The following SAMD5 variants were observed in gnomAD, a reference collection of about 807,000 sequenced individuals.
SAMD5 encodes sterile alpha motif domain containing 5.
SAMD5 carries 13 observed loss-of-function variants against 11.3 expected under a neutral mutation model. The ratio of observed to expected loss-of-function variants is 1.15; its 90% CI spans 0.75 to 1.83. The LOEUF (loss-of-function observed/expected upper bound fraction) is 1.83, where lower values mean the gene tolerates loss of function less well. Among genes scored for constraint, SAMD5 ranks in the 40% most tolerant of loss-of-function variants. The probability of loss-of-function intolerance (pLI) is 0.00; values close to 1 mark genes in which losing one functional copy is unlikely to be tolerated. For missense variants in SAMD5, 255 were observed against 239.1 expected (o/e 1.07, Z -0.44); for synonymous variants, 129 against 111.3 (o/e 1.16, Z -1.00).
chr6:147,683,657 A>G (rs765994318), intron 1 of SAMD5, among the ~76,000 whole-genome samples: 3 of 152,204 alleles, frequency 2.0e-5, no homozygotes, highest in Non-Finnish European at 4.4e-5. Flanking sequence ...GAGTGAGTGC[A>G]TGGCAGAGAA....
At chr6:147,790,756 TTCTCTCTCTCTCTTTCTC>T in the SAMD5 span, among the ~76,000 whole-genome samples, 1 of 28,970 alleles carries the variant, frequency 3.5e-5, no homozygotes, top group Non-Finnish European at 6.9e-5. Flanking sequence ...CTCTCTCTCT[TTCTCTCTCTCTCTTTCTC>T]TCTCTCTCTC....
At chr6:147,742,826 T>C in the SAMD5 span, among the ~76,000 whole-genome samples, 2 of 152,250 alleles carry the variant, frequency 1.3e-5, no homozygotes, top group Non-Finnish European at 2.9e-5. Flanking sequence ...AATTAACTTC[T>C]TATTTATTAT....
the SAMD5 span, among the ~76,000 whole-genome samples, chr6:147,932,148 A>G: frequency 6.6e-6 from 1 of 152,186 alleles, no homozygotes; most frequent in Non-Finnish European, 1.5e-5. Flanking sequence ...TATTTGTGGA[A>G]CCAGATAAGA....
chr6:147,790,558 A>G, the SAMD5 span, among the ~76,000 whole-genome samples: 441 of 152,332 alleles, frequency 2.9e-3, 2 homozygotes, highest in African/African-American at 0.01. Flanking sequence ...TTAGGTGTCA[A>G]TTTGACTGGA....
the SAMD5 span, among the ~76,000 whole-genome samples, chr6:147,843,328 T>C: frequency 6.6e-6 from 1 of 152,120 alleles, no homozygotes; most frequent in Non-Finnish European, 1.5e-5. Context: ...AAAATATCGA[T>C]TAAAGAAACT....
intron 1 of SAMD5, among the ~76,000 whole-genome samples, chr6:147,578,807 A>C (rs961700995): frequency 6.6e-6 from 1 of 152,144 alleles, no homozygotes; most frequent in Admixed American, 6.5e-5. Flanking sequence ...AAAAAAACCC[A>C]ATCTATATTT....
intron 1 of SAMD5, among the ~76,000 whole-genome samples, chr6:147,665,887 G>GAA (rs1386937504): frequency 1.3e-5 from 2 of 152,104 alleles, no homozygotes; most frequent in African/African-American, 4.8e-5. Flanking sequence ...CAAATACTAT[G>GAA]AAAAAGTTAT....
the SAMD5 span, among the ~76,000 whole-genome samples, chr6:147,946,322 T>C: frequency 6.6e-6 from 1 of 152,198 alleles, no homozygotes; most frequent in Non-Finnish European, 1.5e-5. Flanking sequence ...GACATGAGTG[T>C]TGTTTTTGTA....
chr6:147,795,062 A>ATT, the SAMD5 span, among the ~76,000 whole-genome samples: 26,338 of 150,462 alleles, frequency 0.18, 2,476 homozygotes, highest in Middle Eastern at 0.24. Flanking sequence ...ATCCCATCCT[A>ATT]TTTTTTTTTA....
chr6:147,520,408 C>A (rs1475584505), intron 1 of SAMD5, among the ~76,000 whole-genome samples: 4 of 152,104 alleles, frequency 2.6e-5, no homozygotes, highest in African/African-American at 9.7e-5. Flanking sequence ...CCGCCATGCC[C>A]GGTTGAGAAC....
chr6:147,896,528 A>G, the SAMD5 span, among the ~76,000 whole-genome samples: 1 of 152,066 alleles, frequency 6.6e-6, no homozygotes, highest in Non-Finnish European at 1.5e-5. Flanking sequence ...ATGGTTTGCC[A>G]CATGATCTGG....
chr6:147,633,308 A>G (rs1242534487), intron 1 of SAMD5, among the ~76,000 whole-genome samples: 2 of 152,164 alleles, frequency 1.3e-5, no homozygotes, highest in African/African-American at 2.4e-5. Context: ...GAAAAATTCC[A>G]GCGGGCACCG....
the SAMD5 span, among the ~76,000 whole-genome samples, chr6:147,766,799 G>A: frequency 6.6e-6 from 1 of 152,076 alleles, no homozygotes; most frequent in African/African-American, 2.4e-5. Flanking sequence ...CTATTAGAGC[G>A]GGAAGGTAAA....
intron 1 of SAMD5, among the ~76,000 whole-genome samples, chr6:147,703,611 G>A (rs775503452): frequency 6.6e-6 from 1 of 152,170 alleles, no homozygotes; most frequent in Non-Finnish European, 1.5e-5. Context: ...AGAAGTGGGT[G>A]GGCAAGATAT....
chr6:147,821,988 T>A, the SAMD5 span, among the ~76,000 whole-genome samples: 4 of 152,050 alleles, frequency 2.6e-5, no homozygotes, highest in Non-Finnish European at 5.9e-5. Context: ...AAAGAAAAAA[T>A]TTGGGCATCT....
Position 147,568,861 on chromosome 6 carries a change from C to A in SAMD5, c.*4405C>A. The A allele has an allele frequency of 1.0e-6, 1 of 954,898 alleles. No individual in the cohort carries two copies. The highest frequency in any genetic ancestry group is 1.2e-6 in the Non-Finnish European group (1 of 802,306). The allele number at this position is 954,898 out of a possible 1,614,324, so 59.2% of individuals were successfully genotyped here. A position where few individuals can be genotyped will look rare whatever the true frequency, so the allele number is the denominator to read the frequency against. On this transcript the variant is annotated 3_prime_UTR_variant, in exon 2 of 2. Coordinates refer to ENST00000367474, the MANE Select transcript of SAMD5 (RefSeq NM_001030060.3). Reference sequence around the variant, plus strand: ...CATAAAATCAAATAACTTTCTAGTCCATGATCATTAATCCCTACTATTTTA... The same window carrying A: ...CATAAAATCAAATAACTTTCTAGTCAATGATCATTAATCCCTACTATTTTA...
chr6:147,869,498 A>G, the SAMD5 span, among the ~76,000 whole-genome samples: 2 of 152,218 alleles, frequency 1.3e-5, no homozygotes, highest in Admixed American at 1.3e-4. Context: ...GACTACCAAC[A>G]TGCTCAGTGA....
chr6:147,626,154 C>T (rs775458602), intron 1 of SAMD5, among the ~76,000 whole-genome samples: 1 of 152,096 alleles, frequency 6.6e-6, no homozygotes, highest in African/African-American at 2.4e-5. Context: ...CAGCAGCTCT[C>T]TTGTTGACAT....
intron 1 of SAMD5, among the ~76,000 whole-genome samples, chr6:147,728,962 G>A (rs1221220447): frequency 1.3e-5 from 2 of 152,314 alleles, no homozygotes; most frequent in East Asian, 3.9e-4. Context: ...CTGCTGGGTT[G>A]CAATAACAAT....
Sources: allele counts gnomAD v4.1 joint callset (sites outside exome capture counted in the v4.1 genomes callset), GRCh38; gene constraint gnomAD v4.1.1; transcripts MANE v1.5; gene names NCBI Gene and HGNC (gene_info 2026-07-23, HGNC 2026-07-21).